Variants in GSG1L observed in about 807,000 individuals in gnomAD.
GSG1L encodes GSG1 like, also known as germ cell-specific gene 1-like protein.
GSG1L carries 24 observed loss-of-function variants against 42.1 expected under a neutral mutation model. The ratio of observed to expected loss-of-function variants is 0.57; its 90% CI spans 0.41 to 0.80. GSG1L has a LOEUF of 0.80. Ranked by LOEUF, GSG1L falls within the 30% of genes least tolerant of loss-of-function variation. The pLI, the probability that GSG1L is intolerant of heterozygous loss-of-function variation, is 0.00. For synonymous variants in GSG1L, 215 were observed against 203.5 expected, an observed-to-expected ratio of 1.06 and a Z score of -0.48; for missense variants, 445 against 472.2, an observed-to-expected ratio of 0.94 and a Z score of 0.53.
rs80088775 is a variant in GSG1L at position 27,838,307 on chromosome 16, G to T, written c.662+6643C>A. On this transcript the variant is annotated intron_variant, in intron 4 of 6. Coordinates refer to ENST00000447459, the MANE Select transcript of GSG1L (RefSeq NM_001109763.2). ...AAAACACTGCTCTGGTTTTAGCATG[G>T]GTGAGAGGCTATATCCATGAGCCTT... Among the ~76,000 whole-genome samples, 1,345 of 152,294 alleles carry T rather than the reference G, an allele frequency of 8.8e-3. 23 individuals are homozygous for T. Among genetic ancestry groups the T allele is most frequent in the African/African-American group, 0.03 (1,263 of 41,570 alleles).
intron 2 of GSG1L, among the ~76,000 whole-genome samples, chr16:27,905,220 C>T (rs993060492): frequency 7.2e-5 from 11 of 152,124 alleles, no homozygotes; most frequent in African/African-American, 2.7e-4. Context: ...GTCTCCAACC[C>T]AGTACTCTGT....
chr16:27,862,532 A>C (rs1447366688), intron 3 of GSG1L, among the ~76,000 whole-genome samples: 2 of 152,214 alleles, frequency 1.3e-5, no homozygotes, highest in Admixed American at 1.3e-4. Flanking sequence ...TGTTGTTTTA[A>C]GTTGCTAAGG....
chr16:27,870,205 TTC>T lies in GSG1L; in HGVS notation c.550+14279_550+14280del, dbSNP rs369266435. 3.4e-3 allele frequency among the ~76,000 whole-genome samples: 449 copies of T among 132,064 alleles called. 20 individuals are homozygous for T. Among genetic ancestry groups the T allele is most frequent in the African/African-American group, 0.01 (354 of 33,746 alleles). The allele number at this position is 132,064 out of a possible 152,430, so 86.6% of individuals were successfully genotyped here. On this transcript the variant is annotated intron_variant, in intron 3 of 6. Coordinates refer to ENST00000447459, the MANE Select transcript of GSG1L (RefSeq NM_001109763.2). Reference sequence around the variant, plus strand: ...TCCTTCTCTCTCTGTCTCTGTCTCCTTCTGTTTCTCTTTCCATCTCTCTGTCT... The same window carrying T: ...TCCTTCTCTCTCTGTCTCTGTCTCCTTGTTTCTCTTTCCATCTCTCTGTCT...
At chr16:27,848,896 T>C (rs529273901) in intron 3 of GSG1L, among the ~76,000 whole-genome samples, 2 of 151,484 alleles carry the variant, frequency 1.3e-5, no homozygotes, top group East Asian at 3.9e-4. Context: ...TGTAGCAGAG[T>C]GAGCAAGGGG....
chr16:27,882,847 T>C (rs1018335549), intron 3 of GSG1L, among the ~76,000 whole-genome samples: 1 of 152,184 alleles, frequency 6.6e-6, no homozygotes, highest in Non-Finnish European at 1.5e-5. Flanking sequence ...GGCTCACGCC[T>C]GTAATCCCAG....
intron 1 of GSG1L, among the ~76,000 whole-genome samples, chr16:27,977,120 G>C (rs573566230): frequency 6.6e-6 from 1 of 152,156 alleles, no homozygotes; most frequent in Non-Finnish European, 1.5e-5. Flanking sequence ...GCAATGGCAC[G>C]AAGTCTGAAT....
rs543384527 is a variant in GSG1L at position 27,813,169 on chromosome 16, T to G, written c.831-5615A>C. ...TAAATTGCATGTCACGGGGGTTTGGTGTACAGACTATTTTGTCACCCAGGT... is the reference window on the plus strand; with the variant it reads ...TAAATTGCATGTCACGGGGGTTTGGGGTACAGACTATTTTGTCACCCAGGT... On this transcript the variant is annotated intron_variant, in intron 5 of 6. Coordinates refer to ENST00000447459, the MANE Select transcript of GSG1L (RefSeq NM_001109763.2). 2.9e-4 allele frequency among the ~76,000 whole-genome samples: 44 copies of G among 152,278 alleles called. 1 individual carries two copies. The highest frequency in any genetic ancestry group is 5.9e-4 in the Non-Finnish European group (40 of 68,012).
chr16:28,029,127 G>T (rs1441236219), intron 1 of GSG1L, among the ~76,000 whole-genome samples: 3 of 152,192 alleles, frequency 2.0e-5, no homozygotes, highest in Non-Finnish European at 4.4e-5. Context: ...TCCTTGAGCT[G>T]TTCCCTGCCT....
chr16:28,051,850 T>C (rs1276299765), intron 1 of GSG1L, among the ~76,000 whole-genome samples: 1 of 152,098 alleles, frequency 6.6e-6, no homozygotes, highest in Non-Finnish European at 1.5e-5. Context: ...TGGGAGCCAT[T>C]GGAGGGTCTG....
At chr16:27,867,381 A>AT (rs2083741539) in intron 3 of GSG1L, among the ~76,000 whole-genome samples, 1 of 152,154 alleles carries the variant, frequency 6.6e-6, no homozygotes, top group African/African-American at 2.4e-5. Flanking sequence ...ATGCCTGAGT[A>AT]AAGGACCTGG....
chr16:28,028,056 G>T (rs1336140322), intron 1 of GSG1L, among the ~76,000 whole-genome samples: 1 of 152,122 alleles, frequency 6.6e-6, no homozygotes, highest in Non-Finnish European at 1.5e-5. Flanking sequence ...CCAGGCATTT[G>T]GCTGGTCACG....
intron 1 of GSG1L, among the ~76,000 whole-genome samples, chr16:28,060,825 G>T (rs367775483): frequency 6.6e-6 from 1 of 152,146 alleles, no homozygotes; most frequent in East Asian, 1.9e-4. Flanking sequence ...AACGTTAAAG[G>T]CTCAATAAAT....
At chr16:27,999,223 A>G (rs2085554014) in intron 1 of GSG1L, among the ~76,000 whole-genome samples, 1 of 152,174 alleles carries the variant, frequency 6.6e-6, no homozygotes, top group Non-Finnish European at 1.5e-5. Context: ...CGGGCAGATC[A>G]CTTGAGGGCA....
At chr16:27,829,022 C>A in intron 4 of GSG1L, 66 bp from the exon 5 acceptor site, 1 of 1,476,602 alleles carries the variant, frequency 6.8e-7, no homozygotes, top group East Asian at 2.3e-5. Flanking sequence ...AATCCCACAC[C>A]CACCAAACAT....
chr16:27,843,165 C>T (rs912754871), intron 4 of GSG1L, among the ~76,000 whole-genome samples: 8 of 152,158 alleles, frequency 5.3e-5, no homozygotes, highest in African/African-American at 1.9e-4. Flanking sequence ...GGTAAATGCT[C>T]CCCAACTACC....
intron 1 of GSG1L, among the ~76,000 whole-genome samples, chr16:27,990,916 T>C (rs972789995): frequency 6.6e-6 from 1 of 151,952 alleles, no homozygotes; most frequent in African/African-American, 2.4e-5. Context: ...ACTTAAAGTA[T>C]AATTTAAAAA....
chr16:28,034,143 C>T (rs2086001485), intron 1 of GSG1L, among the ~76,000 whole-genome samples: 1 of 151,478 alleles, frequency 6.6e-6, no homozygotes, highest in South Asian at 2.1e-4. Context: ...CCATCCCAGC[C>T]TATCCCATCC....
chr16:27,849,195 C>CCCCT (rs1196603162), intron 3 of GSG1L, among the ~76,000 whole-genome samples: 6 of 52,322 alleles, frequency 1.1e-4, no homozygotes, highest in African/African-American at 6.1e-4. Flanking sequence ...GAGCCTCTAT[C>CCCCT]CCAAAAAGAA....
Position 27,884,418 on chromosome 16 carries a change from G to T in GSG1L, c.550+68C>A. ...ATGCCTCCCGGTTGGTACAACCAGG[G>T]CTTACTCCAAGGGCAGCACCCTTTC... On this transcript the variant is annotated intron_variant, in intron 3 of 6. Coordinates refer to ENST00000447459, the MANE Select transcript of GSG1L (RefSeq NM_001109763.2). This position sits in a 1 kb window ranked among gnomAD's most constrained non-coding sequence, Gnocchi z 4.4. 4.1e-6 allele frequency: 6 copies of T among 1,466,044 alleles called. No individual in the cohort carries two copies. Among genetic ancestry groups the T allele is most frequent in the Non-Finnish European group, 4.6e-6 (5 of 1,080,372 alleles). 90.8% of individuals were successfully genotyped at this position (1,466,044 alleles called of 1,614,324 possible).
Sources: gnomAD v4.1 joint callset for allele counts (sites outside exome capture counted in the v4.1 genomes callset) on GRCh38, gnomAD v4.1.1 for gene constraint, Gnocchi (gnomAD v3.1) non-coding constraint, MANE v1.5 for transcripts, NCBI Gene and HGNC (gene_info 2026-07-23, HGNC 2026-07-21) for gene names.